Variants in FBN2 observed in about 807,000 individuals in gnomAD.
FBN2 encodes fibrillin 2.
FBN2 carries 105 observed loss-of-function variants against 355.6 expected under a neutral mutation model. That is an observed-to-expected ratio of 0.30 (90% CI 0.25 to 0.35). The LOEUF is 0.35. Ranked by LOEUF, FBN2 falls within the 10% of genes least tolerant of loss-of-function variation. FBN2 has a pLI of 1.00. For synonymous variants in FBN2, 1,350 were observed against 1,301.2 expected (o/e 1.04, Z -0.81); for missense variants, 3,280 against 3,758.7 (o/e 0.87, Z 3.33).
chr5:128,395,995 G>A (rs1581262245), intron 8 of FBN2, among the ~76,000 whole-genome samples: 2 of 152,194 alleles, frequency 1.3e-5, no homozygotes, highest in Admixed American at 1.3e-4. Context: ...GATGAGAACT[G>A]ACTGTAGCCA....
Position 128,328,765 on chromosome 5 carries a change from C to A in FBN2, c.4402G>T (p.Val1468Phe), listed in dbSNP as rs199668238. 2 of 1,614,038 alleles carry A rather than the reference C, an allele frequency of 1.2e-6. No individual in the cohort carries two copies. Among genetic ancestry groups the A allele is most frequent in the Admixed American group, 1.7e-5 (1 of 60,000 alleles). The change falls in exon 34 of 65, where the codon GTC becomes TTC. Residue 1468 changes from valine to phenylalanine, a missense_variant. Transcript: ENST00000262464. ...NLCENGQCLN[V>F]PGAYRCECEM... ...CACTCGCAGCGATATGCACCCGGGA[C>A]ATTAAGGCACTGTCCGTTCTCACAG...
chr5:128,391,007 G>A (rs1367825182), intron 11 of FBN2, among the ~76,000 whole-genome samples: 1 of 152,150 alleles, frequency 6.6e-6, no homozygotes, highest in Non-Finnish European at 1.5e-5. Flanking sequence ...ACTTTGGAAA[G>A]ATGTGCATAA....
At chr5:128,524,331 T>C (rs1355379157) in intron 4 of FBN2, among the ~76,000 whole-genome samples, 2 of 152,100 alleles carry the variant, frequency 1.3e-5, no homozygotes, top group African/African-American at 2.4e-5. Context: ...ACCCAGACTC[T>C]CTCCCTCTTA....
intron 7 of FBN2, among the ~76,000 whole-genome samples, chr5:128,413,954 T>G (rs1187000407): frequency 1.3e-5 from 2 of 152,152 alleles, no homozygotes; most frequent in Non-Finnish European, 2.9e-5. Flanking sequence ...AATTCATGAT[T>G]GAAGTGTTAA....
chr5:128,364,198 T>C (rs1052540858), intron 18 of FBN2, among the ~76,000 whole-genome samples: 1 of 152,210 alleles, frequency 6.6e-6, no homozygotes, highest in East Asian at 1.9e-4. Flanking sequence ...TTTAGGTATA[T>C]TGTGGCAACT....
chr5:128,428,627 G>T (rs1311006371), intron 7 of FBN2, among the ~76,000 whole-genome samples: 1 of 152,160 alleles, frequency 6.6e-6, no homozygotes, highest in Non-Finnish European at 1.5e-5. Context: ...CACCACATTA[G>T]CATTTTATAG....
chr5:128,333,769 A>G (rs1750755824), intron 31 of FBN2, among the ~76,000 whole-genome samples: 1 of 151,348 alleles, frequency 6.6e-6, no homozygotes, highest in African/African-American at 2.4e-5. Flanking sequence ...TTGGTTCTCC[A>G]AAGCTTTCTT....
At chr5:128,331,693 G>A (rs183330232) in intron 32 of FBN2, among the ~76,000 whole-genome samples, 16 of 152,204 alleles carry the variant, frequency 1.1e-4, no homozygotes, top group African/African-American at 3.9e-4. Flanking sequence ...AAGAGCGAGG[G>A]CATGTGAGAG....
chr5:128,307,917 T>C (rs893054045), intron 41 of FBN2, among the ~76,000 whole-genome samples: 2 of 152,232 alleles, frequency 1.3e-5, no homozygotes, highest in Admixed American at 1.3e-4. Context: ...CCAAGTGCTA[T>C]CAGGTCAGGG....
At chr5:128,453,886 T>A (rs1210854022) in intron 6 of FBN2, among the ~76,000 whole-genome samples, 1 of 152,152 alleles carries the variant, frequency 6.6e-6, no homozygotes, top group Non-Finnish European at 1.5e-5. Flanking sequence ...ACAGATTACT[T>A]GCTAGTGGTC....
chr5:128,449,187 A>C (rs1754154726), intron 6 of FBN2, among the ~76,000 whole-genome samples: 1 of 150,940 alleles, frequency 6.6e-6, no homozygotes, highest in Non-Finnish European at 1.5e-5. Flanking sequence ...ATGTTATAAC[A>C]CATAGAAGTA....
chr5:128,274,072 G>A, intron 60 of FBN2, 104 bp from the exon 61 acceptor site: 2 of 1,357,088 alleles, frequency 1.5e-6, no homozygotes, highest in South Asian at 2.4e-5. Context: ...GTTTCATGAT[G>A]TGAAAATGGC....
chr5:128,331,142 G>T (rs1750679981), intron 32 of FBN2, among the ~76,000 whole-genome samples: 1 of 152,158 alleles, frequency 6.6e-6, no homozygotes, highest in African/African-American at 2.4e-5. Context: ...TAGTTGAGCA[G>T]AAAAGACAGA....
Position 128,475,931 on chromosome 5 carries a change from G to A in FBN2, c.629-11010C>T, listed in dbSNP as rs191893367. On this transcript the variant is annotated intron_variant, in intron 5 of 64. Coordinates refer to ENST00000262464, the MANE Select transcript of FBN2 (RefSeq NM_001999.4). Reference sequence around the variant, plus strand: ...ATAATAGCCTGAAATGATAACAACAGGAACTGAGAGATAGCAAAAGTATCT... The same window carrying A: ...ATAATAGCCTGAAATGATAACAACAAGAACTGAGAGATAGCAAAAGTATCT... Among the ~76,000 whole-genome samples, 17 of 152,268 alleles carry A rather than the reference G, an allele frequency of 1.1e-4. 1 individual carries two copies. Among genetic ancestry groups the A allele is most frequent in the Admixed American group, 7.2e-4 (11 of 15,284 alleles).
At chr5:128,421,104 C>T in intron 7 of FBN2, among the ~76,000 whole-genome samples, 1 of 152,176 alleles carries the variant, frequency 6.6e-6, no homozygotes, top group South Asian at 2.1e-4. Flanking sequence ...GGCAGCTTTC[C>T]ATGACCTGAG....
rs183431401 is a variant in FBN2 at position 128,415,126 on chromosome 5, C to T, written c.953-6327G>A. Among the ~76,000 whole-genome samples, 286 of 152,262 alleles carry T rather than the reference C, an allele frequency of 1.9e-3. 2 individuals carry two copies. The highest frequency in any genetic ancestry group is 3.3e-3 in the Admixed American group (50 of 15,298). On this transcript the variant is annotated intron_variant, in intron 7 of 64. Coordinates refer to ENST00000262464, the MANE Select transcript of FBN2 (RefSeq NM_001999.4). ...TTATGGGACACATGGCATTTAGTTA[C>T]ACGCACAGAATGTGTAATGATCAAG... is the stretch of plus-strand genomic sequence containing the variant.
chr5:128,535,563 T>C (rs557108085), intron 2 of FBN2, among the ~76,000 whole-genome samples: 76 of 152,296 alleles, frequency 5.0e-4, no homozygotes, highest in South Asian at 1.0e-3. Flanking sequence ...CCAGTCACAC[T>C]GCAAGTCACA....
chr5:128,383,174 TGA>T (rs1458179063), intron 11 of FBN2, among the ~76,000 whole-genome samples: 1 of 152,102 alleles, frequency 6.6e-6, no homozygotes, highest in Non-Finnish European at 1.5e-5. Flanking sequence ...GAGTCAGAGC[TGA>T]GAGTCCAGAA....
chr5:128,364,337 T>C (rs1751713751), intron 18 of FBN2, among the ~76,000 whole-genome samples: 2 of 152,174 alleles, frequency 1.3e-5, no homozygotes, highest in South Asian at 4.1e-4. Context: ...GATTAAGGTA[T>C]ATGCAGGAAA....
Sources: gnomAD v4.1 joint callset for allele counts (sites outside exome capture counted in the v4.1 genomes callset) on GRCh38, gnomAD v4.1.1 for gene constraint, MANE v1.5 for transcripts, NCBI Gene and HGNC (gene_info 2026-07-23, HGNC 2026-07-21) for gene names.